Variants in CNTN4 observed in about 807,000 individuals in gnomAD.
The protein encoded by CNTN4 is contactin-4.
A neutral mutation model predicts 122.5 loss-of-function variants in CNTN4; 77 were observed. The ratio of observed to expected loss-of-function variants is 0.63; its 90% confidence interval spans 0.52 to 0.76. CNTN4 has a LOEUF of 0.76. Ranked by LOEUF, CNTN4 falls within the 30% of genes least tolerant of loss-of-function variation. The pLI, the probability that CNTN4 is intolerant of heterozygous loss-of-function variation, is 0.00. For missense variants in CNTN4, 1,256 were observed against 1,259.1 expected (o/e 1.00, Z 0.04); for synonymous variants, 512 against 447.0 (o/e 1.15, Z -1.83).
intron 9 of CNTN4, among the ~76,000 whole-genome samples, chr3:2,885,502 G>A (rs1267752562): frequency 6.6e-6 from 1 of 152,186 alleles, no homozygotes; most frequent in Non-Finnish European, 1.5e-5. Flanking sequence ...TGTACCTTGA[G>A]TGAACCCTTC....
intron 2 of CNTN4, among the ~76,000 whole-genome samples, chr3:2,282,128 A>C (rs1281472292): frequency 6.6e-6 from 1 of 152,118 alleles, no homozygotes; most frequent in Non-Finnish European, 1.5e-5. Context: ...GAGGTCATTG[A>C]TATAAAATTT....
At chr3:2,845,265 C>A (rs1305749947) in intron 7 of CNTN4, among the ~76,000 whole-genome samples, 1 of 151,952 alleles carries the variant, frequency 6.6e-6, no homozygotes, top group Non-Finnish European at 1.5e-5. Context: ...TGTAAGGAAA[C>A]CAAAACTGTA....
rs369039617 is a variant in CNTN4 at position 2,925,741 on chromosome 3, C to G, written c.1320C>G (p.Thr440=). The change falls in exon 13 of 25, where the codon ACC becomes ACG. Residue 440 remains threonine (T), a synonymous_variant. Coordinates refer to ENST00000418658, the MANE Select transcript of CNTN4 (RefSeq NM_175607.3). ...AAGCGTCTCCAAAACCTGTTTACAC[C>G]TGGAAGAAAGGAAGGGATATATTAA... ...KPKASPKPVY[T]WKKGRDILKE... The G allele has an allele frequency of 2.4e-5, 39 of 1,613,510 alleles. No homozygotes were observed. In the African/African-American group the frequency reaches 4.8e-4, roughly 20 times the overall value.
chr3:2,555,551 G>C (rs977993758), intron 3 of CNTN4, among the ~76,000 whole-genome samples: 5 of 152,106 alleles, frequency 3.3e-5, no homozygotes, highest in African/African-American at 1.2e-4. Context: ...CATATGAGAA[G>C]TACTAAACTG....
At chr3:2,592,662 G>A (rs1456258134) in intron 4 of CNTN4, among the ~76,000 whole-genome samples, 1 of 152,136 alleles carries the variant, frequency 6.6e-6, no homozygotes, top group Non-Finnish European at 1.5e-5. Flanking sequence ...ATGATTGTGA[G>A]GCCTCCCCAG....
At chr3:2,345,148 C>T (rs1685494) in intron 3 of CNTN4, among the ~76,000 whole-genome samples, 138,135 of 152,232 alleles carry the variant, frequency 0.91, 63,154 homozygotes, top group East Asian at 1. Context: ...TGTGGCCTTA[C>T]ATTAAAATGT....
chr3:2,705,850 A>C (rs1356427498), intron 4 of CNTN4, among the ~76,000 whole-genome samples: 1 of 99,426 alleles, frequency 1.0e-5, no homozygotes, highest in Admixed American at 1.6e-4. Flanking sequence ...TATAATATAT[A>C]ATATATGTGT....
chr3:2,983,455 G>A (rs1397430327), intron 13 of CNTN4, among the ~76,000 whole-genome samples: 1 of 151,982 alleles, frequency 6.6e-6, no homozygotes, highest in Non-Finnish European at 1.5e-5. Context: ...GCTTGAAACA[G>A]TGGGTCCAGG....
intron 2 of CNTN4, among the ~76,000 whole-genome samples, chr3:2,102,252 C>G (rs183859376): frequency 2.0e-5 from 3 of 152,258 alleles, no homozygotes; most frequent in South Asian, 2.1e-4. Flanking sequence ...GTTCATAAAC[C>G]TTGAAGCAGA....
chr3:2,478,408 GTTTTT>G (rs11369134), intron 3 of CNTN4, among the ~76,000 whole-genome samples: 14,762 of 147,164 alleles, frequency 0.1, 1,189 homozygotes, highest in African/African-American at 0.22. Flanking sequence ...TTATCTGTTT[GTTTTT>G]TTTTTTTATT....
intron 3 of CNTN4, among the ~76,000 whole-genome samples, chr3:2,566,090 T>C (rs1302651920): frequency 6.6e-6 from 1 of 152,322 alleles, no homozygotes; most frequent in East Asian, 1.9e-4. Context: ...CTTTACATTA[T>C]GAGTATTACA....
chr3:2,887,869 C>G (rs1281748356), intron 10 of CNTN4, among the ~76,000 whole-genome samples: 1 of 152,148 alleles, frequency 6.6e-6, no homozygotes, highest in Non-Finnish European at 1.5e-5. Context: ...TGTTAGGATA[C>G]TGATTTGAAA....
At chr3:2,524,941 ACT>A (rs1216594010) in intron 3 of CNTN4, among the ~76,000 whole-genome samples, 1 of 152,070 alleles carries the variant, frequency 6.6e-6, no homozygotes, top group Non-Finnish European at 1.5e-5. Context: ...CTGTAGGGAA[ACT>A]CTCAACCTGT....
chr3:2,156,576 A>G (rs779589603), intron 2 of CNTN4, among the ~76,000 whole-genome samples: 5 of 152,214 alleles, frequency 3.3e-5, no homozygotes, highest in Non-Finnish European at 5.9e-5. Context: ...ACAACTGTAT[A>G]TGAAGCCCGG....
chr3:2,895,474 C>T (rs1437269934), intron 10 of CNTN4, among the ~76,000 whole-genome samples: 1 of 152,116 alleles, frequency 6.6e-6, no homozygotes, highest in East Asian at 1.9e-4. Context: ...CTTTGAGTTG[C>T]CTTCTAGTGT....
At chr3:2,532,820 G>T (rs1196612431) in intron 3 of CNTN4, among the ~76,000 whole-genome samples, 2 of 152,054 alleles carry the variant, frequency 1.3e-5, no homozygotes, top group Non-Finnish European at 2.9e-5. Context: ...TATCTTCCCT[G>T]AAGTTTTTTT....
At chr3:2,594,402 A>C (rs1052381221) in intron 4 of CNTN4, among the ~76,000 whole-genome samples, 8 of 147,878 alleles carry the variant, frequency 5.4e-5, no homozygotes, top group African/African-American at 1.7e-4. Flanking sequence ...TAACCAGGGT[A>C]TAATAAAATG....
At chr3:2,580,222 C>T (rs1347725823) in intron 4 of CNTN4, among the ~76,000 whole-genome samples, 1 of 152,020 alleles carries the variant, frequency 6.6e-6, no homozygotes, top group Admixed American at 6.6e-5. Context: ...AACAGCAAAC[C>T]AGTGGTGTTG....
chr3:2,310,705 A>G (rs2042883020), intron 2 of CNTN4, among the ~76,000 whole-genome samples: 1 of 152,150 alleles, frequency 6.6e-6, no homozygotes, highest in African/African-American at 2.4e-5. Context: ...GTTGTTTGAT[A>G]GTTTAACTAA....
Sources: allele counts gnomAD v4.1 joint callset (sites outside exome capture counted in the v4.1 genomes callset), GRCh38; gene constraint gnomAD v4.1.1; transcripts MANE v1.5; gene names NCBI Gene and HGNC (gene_info 2026-07-23, HGNC 2026-07-21).